NAV2: variants seen among roughly 807,000 people sequenced by gnomAD.
The protein encoded by NAV2 is helicase, APC down-regulated 1.
A neutral mutation model predicts 223.2 loss-of-function variants in NAV2; 54 were observed. The ratio of observed to expected loss-of-function variants is 0.24; its 90% confidence interval spans 0.19 to 0.30. NAV2 has a LOEUF of 0.30. Ranked by LOEUF, NAV2 falls within the 10% of genes least tolerant of loss-of-function variation. The pLI, the probability that NAV2 is intolerant of heterozygous loss-of-function variation, is 1.00. For missense variants in NAV2, 2,806 were observed against 3,147.5 expected (o/e 0.89, Z 2.60); for synonymous variants, 1,279 against 1,239.3 (o/e 1.03, Z -0.67).
rs1565295714 is a variant in NAV2, at chr11:19,776,609, G to GTGTGTGTGTGT, written c.268-55874_268-55873insGTGTGTGTGTT. On this transcript the variant is annotated intron_variant, in intron 1 of 37. Coordinates refer to ENST00000349880, the MANE Select transcript of NAV2 (RefSeq NM_145117.5). ...GTGTGTGTGTGTGTGTGTGTGTGTG[G>GTGTGTGTGTGT]TTAGAGTTGTGGGGGTCAGAAAATG... 5.5e-3 allele frequency among the ~76,000 whole-genome samples: 384 copies of GTGTGTGTGTGT among 69,672 alleles called. 9 individuals carry two copies. The highest frequency in any genetic ancestry group is 0.022 in the African/African-American group (357 of 15,982). 45.7% of individuals were successfully genotyped at this position (69,672 alleles called of 152,430 possible).
At chr11:19,888,285 G>C (rs1320387924) in intron 5 of NAV2, among the ~76,000 whole-genome samples, 6 of 152,114 alleles carry the variant, frequency 3.9e-5, no homozygotes, top group Non-Finnish European at 8.8e-5. Context: ...TGCTGTAAGG[G>C]ATGCAGGGTT....
intron 6 of NAV2, among the ~76,000 whole-genome samples, chr11:19,916,296 C>G (rs532892611): frequency 6.6e-6 from 1 of 152,198 alleles, no homozygotes; most frequent in Non-Finnish European, 1.5e-5. Context: ...GTACCAGATA[C>G]TAATGTTCAG....
intron 1 of NAV2, among the ~76,000 whole-genome samples, chr11:19,809,037 C>G (rs1021261228): frequency 3.9e-5 from 6 of 152,166 alleles, no homozygotes; most frequent in African/African-American, 9.7e-5. Flanking sequence ...ACTGGAGATT[C>G]CCAATACTTA....
intron 6 of NAV2, among the ~76,000 whole-genome samples, chr11:19,894,111 A>C (rs2041752742): frequency 6.6e-6 from 1 of 152,220 alleles, no homozygotes. Flanking sequence ...AAACTTTATG[A>C]GTACCTACCA....
chr11:19,953,092 A>G (rs934822366), intron 10 of NAV2, among the ~76,000 whole-genome samples: 4 of 152,232 alleles, frequency 2.6e-5, no homozygotes, highest in Non-Finnish European at 5.9e-5. Flanking sequence ...ATGGTACAGA[A>G]TAAAATTAAA....
intron 2 of NAV2, among the ~76,000 whole-genome samples, chr11:19,836,978 C>A (rs769769491): frequency 2.0e-5 from 3 of 152,096 alleles, no homozygotes; most frequent in African/African-American, 7.2e-5. Flanking sequence ...CCCTCATGAC[C>A]TAATTATCTC....
rs139349827 is a variant in NAV2, at chr11:20,017,218, G to A, written c.2769-18741G>A. On this transcript the variant is annotated intron_variant, in intron 11 of 37. Coordinates refer to ENST00000349880, the MANE Select transcript of NAV2 (RefSeq NM_145117.5). Reference sequence around the variant, plus strand: ...TTATTAATGGTTTGAGAGTTCTCCAGAGGATAGTCTTTCTTTTCCACTAAT... The same window carrying A: ...TTATTAATGGTTTGAGAGTTCTCCAAAGGATAGTCTTTCTTTTCCACTAAT... 4.8e-3 allele frequency among the ~76,000 whole-genome samples: 728 copies of A among 152,272 alleles called. 3 individuals are homozygous for A. The highest frequency in any genetic ancestry group is 0.017 in the African/African-American group (703 of 41,552).
chr11:19,721,211 A>G (rs2050723602), intron 1 of NAV2, among the ~76,000 whole-genome samples: 1 of 152,202 alleles, frequency 6.6e-6, no homozygotes, highest in Non-Finnish European at 1.5e-5. Context: ...TCACTTTCAA[A>G]TTTCCTTTAG....
upstream of NAV2, chr11:19,711,432 A>G (rs1314247852): frequency 1.3e-5 from 2 of 152,216 alleles, no homozygotes; most frequent in Non-Finnish European, 2.9e-5. Context: ...ACAAGGCAGT[A>G]AGAAAGCATC....
chr11:19,898,160 C>A (rs965804689), intron 6 of NAV2, among the ~76,000 whole-genome samples: 1 of 152,022 alleles, frequency 6.6e-6, no homozygotes, highest in Admixed American at 6.6e-5. Context: ...GACTGACTTA[C>A]ATGCATATAG....
At chr11:19,750,404 C>T (rs142213778) in intron 1 of NAV2, among the ~76,000 whole-genome samples, 262 of 152,346 alleles carry the variant, frequency 1.7e-3, no homozygotes, top group Non-Finnish European at 2.8e-3. Context: ...ATTTTTCTGT[C>T]GTTCCCTTGA....
chr11:19,654,008 A>G (rs1185409875), intron 1 of NAV2, among the ~76,000 whole-genome samples: 2 of 152,200 alleles, frequency 1.3e-5, no homozygotes, highest in Non-Finnish European at 1.5e-5. Flanking sequence ...TCTCAGCCCA[A>G]AATCTCCTTA....
At chr11:19,506,980 C>T (rs1245199191) in intron 1 of NAV2, 3 of 152,196 alleles carry the variant, frequency 2.0e-5, no homozygotes, top group African/African-American at 7.2e-5. Flanking sequence ...CACACACCCA[C>T]AATGCCTGCC....
intron 1 of NAV2, among the ~76,000 whole-genome samples, chr11:19,378,939 C>T (rs1313694907): frequency 6.6e-6 from 1 of 152,190 alleles, no homozygotes; most frequent in Admixed American, 6.5e-5. Flanking sequence ...AGTGTGTCAG[C>T]AGAGGCCCAT....
intron 10 of NAV2, among the ~76,000 whole-genome samples, chr11:19,977,970 C>T (rs558465422): frequency 7.7e-6 from 1 of 130,278 alleles, no homozygotes; most frequent in African/African-American, 2.6e-5. Flanking sequence ...ACGCCCAGCT[C>T]ATTTTGTTTT....
chr11:19,458,158 G>A (rs188298392), intron 1 of NAV2, among the ~76,000 whole-genome samples: 30 of 152,338 alleles, frequency 2.0e-4, no homozygotes, highest in Admixed American at 2.0e-3. Flanking sequence ...ACTGGCGGAG[G>A]AGGTCCTGAG....
intron 1 of NAV2, among the ~76,000 whole-genome samples, chr11:19,394,679 G>A (rs920044467): frequency 1.3e-5 from 2 of 152,214 alleles, no homozygotes; most frequent in Non-Finnish European, 2.9e-5. Flanking sequence ...TCCCCGAGCT[G>A]AAATCTGCAG....
intron 4 of NAV2, among the ~76,000 whole-genome samples, chr11:19,874,430 T>C (rs1204980640): frequency 1.3e-5 from 2 of 152,302 alleles, no homozygotes; most frequent in Non-Finnish European, 2.9e-5. Context: ...TACATCTACA[T>C]GTTTTTCCTT....
intron 10 of NAV2, among the ~76,000 whole-genome samples, chr11:19,963,426 C>G (rs1326629101): frequency 2.0e-5 from 3 of 152,198 alleles, no homozygotes; most frequent in Non-Finnish European, 2.9e-5. Flanking sequence ...TCCCCACACT[C>G]TGAATATCCG....
Sources: allele counts gnomAD v4.1 joint callset (sites outside exome capture counted in the v4.1 genomes callset), GRCh38; gene constraint gnomAD v4.1.1; transcripts MANE v1.5; gene names NCBI Gene and HGNC (gene_info 2026-07-23, HGNC 2026-07-21).